MCTP1: variants seen among roughly 807,000 people sequenced by gnomAD.
MCTP1 encodes multiple C2 and transmembrane domain-containing protein 1.
A neutral mutation model predicts 120.6 loss-of-function variants in MCTP1; 69 were observed. That is an observed-to-expected ratio of 0.57 (90% CI 0.47 to 0.70). The LOEUF is 0.70. Among genes scored for constraint, MCTP1 ranks in the 30% least tolerant of loss-of-function variants. The pLI is 0.00. For synonymous variants in MCTP1, 529 were observed against 493.1 expected, an observed-to-expected ratio of 1.07 and a Z score of -0.96; for missense variants, 1,203 against 1,248.8, an observed-to-expected ratio of 0.96 and a Z score of 0.55.
intron 19 of MCTP1, among the ~76,000 whole-genome samples, chr5:94,757,576 A>C (rs1770231918): frequency 6.6e-6 from 1 of 152,204 alleles, no homozygotes; most frequent in Non-Finnish European, 1.5e-5. Context: ...ATGATGGGAC[A>C]ATTTTCAATG....
chr5:94,821,607 C>G (rs1161035695), intron 17 of MCTP1, among the ~76,000 whole-genome samples: 1 of 152,024 alleles, frequency 6.6e-6, no homozygotes, highest in Non-Finnish European at 1.5e-5. Context: ...AATAAAAAGC[C>G]TACACTTATT....
rs114239174 is a variant in MCTP1, at chr5:95,020,584, T to C, written c.721-3100A>G. Among the ~76,000 whole-genome samples the C allele has an allele frequency of 6.0e-3, 908 of 152,188 alleles. 7 individuals carry two copies. The highest frequency in any genetic ancestry group is 0.021 in the African/African-American group (881 of 41,584). On this transcript the variant is annotated intron_variant, in intron 1 of 22. Coordinates refer to ENST00000515393, the MANE Select transcript of MCTP1 (RefSeq NM_024717.7). ...TCTTTGTAGATGGTATATGTGGTCA[T>C]ATAGAAACTATTAAGCAGTTAAAGC...
At chr5:95,006,789 T>C (rs1834849439) in intron 2 of MCTP1, among the ~76,000 whole-genome samples, 1 of 152,194 alleles carries the variant, frequency 6.6e-6, no homozygotes, top group Non-Finnish European at 1.5e-5. Flanking sequence ...ATGCTTAATC[T>C]TCTGATGAAC....
At chr5:94,856,434 A>T (rs1338970023) in intron 17 of MCTP1, among the ~76,000 whole-genome samples, 3 of 151,794 alleles carry the variant, frequency 2.0e-5, no homozygotes, top group African/African-American at 7.2e-5. Context: ...CTTTAATTGT[A>T]AACATTGACT....
Position 95,173,165 on chromosome 5 carries a change from T to C in MCTP1, c.720+110691A>G, listed in dbSNP as rs73776303. ...AAGAGTAGTTACTAAAACATCTACTTTGAAAATACACATTATTGACTGACT... is the reference window on the plus strand; with the variant it reads ...AAGAGTAGTTACTAAAACATCTACTCTGAAAATACACATTATTGACTGACT... On this transcript the variant is annotated intron_variant, in intron 1 of 22. Transcript: ENST00000515393. Among the ~76,000 whole-genome samples the C allele has an allele frequency of 2.2e-3, 328 of 152,298 alleles. 2 individuals are homozygous for C. Among genetic ancestry groups the C allele is most frequent in the African/African-American group, 7.6e-3 (316 of 41,556 alleles).
chr5:94,796,995 C>T (rs1417556635), intron 18 of MCTP1, among the ~76,000 whole-genome samples: 1 of 151,852 alleles, frequency 6.6e-6, no homozygotes, highest in Non-Finnish European at 1.5e-5. Context: ...GAAAAATGTC[C>T]ATGGCTAAAA....
intron 1 of MCTP1, among the ~76,000 whole-genome samples, chr5:95,219,962 T>G (rs1753500618): frequency 6.6e-6 from 1 of 152,218 alleles, no homozygotes; most frequent in Admixed American, 6.5e-5. Flanking sequence ...GATCATAATT[T>G]TAATTCTGTT....
At chr5:95,044,252 T>C (rs1491002620) in intron 1 of MCTP1, among the ~76,000 whole-genome samples, 2 of 152,186 alleles carry the variant, frequency 1.3e-5, no homozygotes, top group African/African-American at 4.8e-5. Context: ...CGAATTTCTT[T>C]TCACCTATAA....
At chr5:95,270,585 G>A (rs1474172293) in intron 1 of MCTP1, among the ~76,000 whole-genome samples, 2 of 152,162 alleles carry the variant, frequency 1.3e-5, no homozygotes, top group Non-Finnish European at 2.9e-5. Flanking sequence ...CTCAGGGTAG[G>A]CTGGGGAGGA....
chr5:95,133,097 A>T (rs1759171094), intron 1 of MCTP1, among the ~76,000 whole-genome samples: 1 of 152,200 alleles, frequency 6.6e-6, no homozygotes, highest in Admixed American at 6.5e-5. Context: ...GTGATTTAAG[A>T]TTTGATCATA....
intron 2 of MCTP1, among the ~76,000 whole-genome samples, chr5:94,988,067 T>C (rs916777582): frequency 4.6e-4 from 70 of 152,184 alleles, no homozygotes; most frequent in African/African-American, 1.5e-3. Context: ...GGAAGCAGAA[T>C]GATCACATTC....
chr5:94,901,339 G>A (rs1340468508), intron 10 of MCTP1, among the ~76,000 whole-genome samples: 4 of 151,908 alleles, frequency 2.6e-5, no homozygotes, highest in Admixed American at 6.6e-5. Context: ...CCTTCCACCC[G>A]GGTCCCTCCC....
intron 10 of MCTP1, among the ~76,000 whole-genome samples, chr5:94,907,039 A>C (rs1807094338): frequency 6.6e-6 from 1 of 152,220 alleles, no homozygotes; most frequent in African/African-American, 2.4e-5. Flanking sequence ...TCTAGGAATT[A>C]AGTAATTCTA....
chr5:94,867,095 T>C, intron 17 of MCTP1: 1 of 600,152 alleles, frequency 1.7e-6, no homozygotes, highest in Non-Finnish European at 2.5e-6. Flanking sequence ...TTTTTTCTCA[T>C]CAATGTAAAA....
intron 2 of MCTP1, among the ~76,000 whole-genome samples, chr5:94,990,924 A>G (rs905952426): frequency 3.3e-5 from 5 of 152,128 alleles, no homozygotes; most frequent in Non-Finnish European, 7.4e-5. Flanking sequence ...TTCCCATATC[A>G]CTTTTCCTAC....
intron 1 of MCTP1, among the ~76,000 whole-genome samples, chr5:95,172,382 C>T (rs1014487857): frequency 3.9e-5 from 6 of 152,274 alleles, no homozygotes; most frequent in South Asian, 4.1e-4. Context: ...GCAGTCTGTC[C>T]GTTCTCAGAT....
At chr5:95,125,229 T>C (rs1758536189) in intron 1 of MCTP1, among the ~76,000 whole-genome samples, 1 of 152,222 alleles carries the variant, frequency 6.6e-6, no homozygotes, top group Non-Finnish European at 1.5e-5. Flanking sequence ...TGATGTTAGT[T>C]ACATTTTTAG....
At chr5:95,075,002 T>C (rs1431434842) in intron 1 of MCTP1, among the ~76,000 whole-genome samples, 5 of 152,218 alleles carry the variant, frequency 3.3e-5, no homozygotes, top group African/African-American at 1.2e-4. Context: ...AGTCATTTAA[T>C]TTGCCTGTGG....
chr5:94,807,291 G>A (rs1231768711), intron 17 of MCTP1, among the ~76,000 whole-genome samples: 1 of 152,082 alleles, frequency 6.6e-6, no homozygotes, highest in Admixed American at 6.6e-5. Flanking sequence ...CAATGATTGG[G>A]GGGAAAATTC....
Sources: allele counts gnomAD v4.1 joint callset (sites outside exome capture counted in the v4.1 genomes callset), GRCh38; gene constraint gnomAD v4.1.1; transcripts MANE v1.5; gene names NCBI Gene and HGNC (gene_info 2026-07-23, HGNC 2026-07-21).